Variants in RAPGEF4 observed in about 807,000 individuals in gnomAD.
RAPGEF4 encodes RAP guanine-nucleotide-exchange factor (GEF) 4.
RAPGEF4 carries 66 observed loss-of-function variants against 147.9 expected under a neutral mutation model. The observed-to-expected ratio is 0.45, with a 90% confidence interval of 0.37 to 0.55. The LOEUF is 0.55. RAPGEF4 is among the 20% of genes least tolerant of loss of function. The pLI is 0.00. For synonymous variants in RAPGEF4, 419 were observed against 442.7 expected (o/e 0.95, Z 0.67); for missense variants, 1,071 against 1,257.3 (o/e 0.85, Z 2.24).
intron 6 of RAPGEF4, among the ~76,000 whole-genome samples, chr2:172,932,331 T>C (rs1686080023): frequency 6.6e-6 from 1 of 152,240 alleles, no homozygotes; most frequent in Admixed American, 6.5e-5. Flanking sequence ...AAATGCAGCA[T>C]GGTCTGGTCT....
chr2:173,029,453 C>G (rs935657071), intron 25 of RAPGEF4, among the ~76,000 whole-genome samples: 2 of 152,184 alleles, frequency 1.3e-5, no homozygotes, highest in Admixed American at 1.3e-4. Context: ...TTAAACATCA[C>G]CATTCTAATA....
chr2:173,040,612 A>G (rs950548318), intron 29 of RAPGEF4, among the ~76,000 whole-genome samples: 4 of 152,014 alleles, frequency 2.6e-5, no homozygotes, highest in African/African-American at 9.7e-5. Context: ...CACCATGCCA[A>G]CTCTAAGTGT....
chr2:172,903,749 C>T (rs892645236), intron 4 of RAPGEF4, among the ~76,000 whole-genome samples: 2 of 152,048 alleles, frequency 1.3e-5, no homozygotes, highest in Non-Finnish European at 2.9e-5. Context: ...AGACTTAAGA[C>T]AGGTGAGTTA....
At chr2:172,910,685 G>T (rs56884890) in intron 4 of RAPGEF4, among the ~76,000 whole-genome samples, 1 of 152,198 alleles carries the variant, frequency 6.6e-6, no homozygotes, top group Non-Finnish European at 1.5e-5. Context: ...GGACTGTGGA[G>T]CAGAGCACTT....
At chr2:172,846,773 G>T (rs1281126989) in intron 4 of RAPGEF4, among the ~76,000 whole-genome samples, 1 of 152,170 alleles carries the variant, frequency 6.6e-6, no homozygotes, top group African/African-American at 2.4e-5. Context: ...TATGCTGGTG[G>T]GTCACAGGAG....
At chr2:172,923,696 C>T (rs576353901) in intron 6 of RAPGEF4, among the ~76,000 whole-genome samples, 1 of 152,310 alleles carries the variant, frequency 6.6e-6, no homozygotes, top group Admixed American at 6.5e-5. Context: ...TCTAAACATC[C>T]TCATCTCTTC....
At chr2:172,869,910 A>T (rs1444115589) in intron 4 of RAPGEF4, among the ~76,000 whole-genome samples, 2 of 152,148 alleles carry the variant, frequency 1.3e-5, no homozygotes, top group Non-Finnish European at 2.9e-5. Context: ...GACATCCTTC[A>T]TGGAGACAAA....
intron 10 of RAPGEF4, among the ~76,000 whole-genome samples, chr2:172,972,762 A>G (rs1191623029): frequency 6.6e-6 from 1 of 152,178 alleles, no homozygotes; most frequent in African/African-American, 2.4e-5. Context: ...TACAGTTTAG[A>G]GTTTATTATA....
At chr2:172,941,555 A>G (rs1264669109) in intron 6 of RAPGEF4, among the ~76,000 whole-genome samples, 1 of 152,210 alleles carries the variant, frequency 6.6e-6, no homozygotes, top group Non-Finnish European at 1.5e-5. Flanking sequence ...AGCACTTGAT[A>G]AAATGCTTTT....
At chr2:172,974,372 G>T (rs2123506) in intron 10 of RAPGEF4, among the ~76,000 whole-genome samples, 146,133 of 152,244 alleles carry the variant, frequency 0.96, 70,412 homozygotes, top group Middle Eastern at 1. Context: ...AAAGGTGTCA[G>T]GGAAATCCAA....
chr2:172,990,438 T>C lies in RAPGEF4; in HGVS notation c.1375-372T>C, dbSNP rs963857985. On this transcript the variant is annotated intron_variant, in intron 14 of 30. Transcript: ENST00000397081. ...GTGCCCCACTCCTAAGGAAACTAAA[T>C]ACACTTAGGAGAAAAAGAACTTTGC... is the stretch of plus-strand genomic sequence containing the variant. Among the ~76,000 whole-genome samples the C allele has an allele frequency of 3.3e-5, 5 of 152,324 alleles. No individual in the cohort carries two copies. The East Asian group carries it at 9.6e-4, about 29-fold the overall frequency.
chr2:172,752,684 C>T (rs548051856), intron 1 of RAPGEF4, among the ~76,000 whole-genome samples: 1 of 152,148 alleles, frequency 6.6e-6, no homozygotes, highest in Non-Finnish European at 1.5e-5. Context: ...AATAAGGGAG[C>T]CTTCTATTGA....
chr2:172,983,631 C>T (rs1245603263), intron 11 of RAPGEF4, 51 bp downstream of exon 11: 1 of 1,603,248 alleles, frequency 6.2e-7, no homozygotes. Context: ...AATAAATGCA[C>T]TGTTAGGACA....
chr2:172,912,064 G>A (rs1683483989), intron 4 of RAPGEF4, among the ~76,000 whole-genome samples: 1 of 152,172 alleles, frequency 6.6e-6, no homozygotes, highest in African/African-American at 2.4e-5. Context: ...ACCACACCCA[G>A]TCTGATTCTG....
intron 1 of RAPGEF4, among the ~76,000 whole-genome samples, chr2:172,772,406 C>CA (rs1257765690): frequency 6.6e-6 from 1 of 151,672 alleles, no homozygotes; most frequent in Non-Finnish European, 1.5e-5. Flanking sequence ...TGCAGTGGCG[C>CA]AATCTTGGCT....
intron 1 of RAPGEF4, among the ~76,000 whole-genome samples, chr2:172,782,143 ATAACTCATAAACTCATCAT>A (rs1274616335): frequency 1.3e-5 from 2 of 152,222 alleles, no homozygotes; most frequent in Non-Finnish European, 1.5e-5. Flanking sequence ...TAACTAATAA[ATAACTCATAAACTCATCAT>A]TAACTCATAA....
At chr2:172,742,863 A>G (rs1694425469) in intron 1 of RAPGEF4, among the ~76,000 whole-genome samples, 1 of 152,210 alleles carries the variant, frequency 6.6e-6, no homozygotes, top group African/African-American at 2.4e-5. Flanking sequence ...GGTCTCCTGC[A>G]TGCAGCCTGG....
At chr2:172,986,824 G>A (rs138939519) in intron 12 of RAPGEF4, among the ~76,000 whole-genome samples, 11,083 of 151,790 alleles carry the variant, frequency 0.073, 597 homozygotes, top group South Asian at 0.16. Flanking sequence ...CTCCCAAGTA[G>A]TTGGGATTAC....
rs1204998781 is a variant in RAPGEF4 at position 173,052,345 on chromosome 2, T to C, written c.*578T>C. The C allele has an allele frequency of 6.5e-6, 1 of 152,676 alleles. No individual in the cohort carries two copies. The highest frequency in any genetic ancestry group is 2.4e-5 in the African/African-American group (1 of 41,462). The allele number at this position is 152,676 out of a possible 1,614,324, so 9.5% of individuals were successfully genotyped here. ...GCTGTTTATGTAATTTAGGGAGGACTGGTCTGTAATTTCTGAATGTATATA... is the reference window on the plus strand; with the variant it reads ...GCTGTTTATGTAATTTAGGGAGGACCGGTCTGTAATTTCTGAATGTATATA... On this transcript the variant is annotated 3_prime_UTR_variant, in exon 31 of 31. Transcript: ENST00000397081.
Sources: gnomAD v4.1 joint callset for allele counts (sites outside exome capture counted in the v4.1 genomes callset) on GRCh38, gnomAD v4.1.1 for gene constraint, MANE v1.5 for transcripts, NCBI Gene and HGNC (gene_info 2026-07-23, HGNC 2026-07-21) for gene names.